SPMAP2L: variants seen among roughly 807,000 people sequenced by gnomAD.
The protein encoded by SPMAP2L is sperm microtubule associated protein 2 like.
the SPMAP2L span, among the ~76,000 whole-genome samples, chr4:56,574,684 T>C: frequency 6.6e-6 from 1 of 151,934 alleles, no homozygotes; most frequent in South Asian, 2.1e-4. Flanking sequence ...TTTGGTCTAT[T>C]TGGAAAATGT....
the SPMAP2L span, among the ~76,000 whole-genome samples, chr4:56,618,869 CA>C: frequency 6.6e-6 from 1 of 152,186 alleles, no homozygotes; most frequent in African/African-American, 2.4e-5. Context: ...TGATGATAAA[CA>C]GGAAGTTTGG....
chr4:56,538,667 G>T, the SPMAP2L span, among the ~76,000 whole-genome samples: 4 of 152,176 alleles, frequency 2.6e-5, no homozygotes, highest in African/African-American at 9.7e-5. Flanking sequence ...GCTAGGCATG[G>T]TGGCATGTGC....
chr4:56,587,666 G>A, the SPMAP2L span, among the ~76,000 whole-genome samples: 4 of 152,142 alleles, frequency 2.6e-5, no homozygotes, highest in East Asian at 5.8e-4. Context: ...TTTTATGGCT[G>A]AGTAGTATTC....
the SPMAP2L span, chr4:56,531,043 C>A: frequency 6.5e-7 from 1 of 1,535,578 alleles, no homozygotes; most frequent in Non-Finnish European, 8.7e-7. Flanking sequence ...CCAGCTCCGC[C>A]ACACCCGTGA....
the SPMAP2L span, among the ~76,000 whole-genome samples, chr4:56,599,308 T>G: frequency 6.6e-6 from 1 of 152,140 alleles, no homozygotes; most frequent in African/African-American, 2.4e-5. Flanking sequence ...TTCAGCCTCC[T>G]GAGCAGCTGT....
the SPMAP2L span, among the ~76,000 whole-genome samples, chr4:56,549,519 T>C: frequency 6.6e-6 from 1 of 152,244 alleles, no homozygotes; most frequent in African/African-American, 2.4e-5. Context: ...GAAAAAAGTA[T>C]ATGTGTACAT....
At chr4:56,610,086 A>C in the SPMAP2L span, among the ~76,000 whole-genome samples, 40 of 152,316 alleles carry the variant, frequency 2.6e-4, no homozygotes, top group Admixed American at 2.5e-3. Context: ...TTCTTCACAG[A>C]ATTAGAAAAA....
chr4:56,574,928 G>A, the SPMAP2L span, among the ~76,000 whole-genome samples: 6 of 151,802 alleles, frequency 4.0e-5, no homozygotes, highest in Non-Finnish European at 8.8e-5. Context: ...GCTGCAGTGA[G>A]CCCGTGTATG....
At chr4:56,562,402 T>C in the SPMAP2L span, among the ~76,000 whole-genome samples, 2 of 152,066 alleles carry the variant, frequency 1.3e-5, no homozygotes, top group African/African-American at 2.4e-5. Flanking sequence ...TGTTTATATG[T>C]GGTTTCTTTC....
the SPMAP2L span, among the ~76,000 whole-genome samples, chr4:56,617,929 AGT>A: frequency 6.6e-6 from 1 of 152,124 alleles, no homozygotes; most frequent in Non-Finnish European, 1.5e-5. Context: ...ATGGCTTGCC[AGT>A]GCTTGTTGGC....
At chr4:56,575,997 A>G in the SPMAP2L span, among the ~76,000 whole-genome samples, 1 of 152,196 alleles carries the variant, frequency 6.6e-6, no homozygotes, top group African/African-American at 2.4e-5. Flanking sequence ...TTGAAGGCTG[A>G]ATTTCTCCTT....
the SPMAP2L span, chr4:56,531,071 A>T: frequency 6.5e-7 from 1 of 1,535,458 alleles, no homozygotes; most frequent in South Asian, 1.2e-5. Context: ...AAGTCCCGCG[A>T]GGCCAAGGAA....
chr4:56,594,768 G>A, the SPMAP2L span: 2 of 1,512,090 alleles, frequency 1.3e-6, no homozygotes, highest in Non-Finnish European at 1.8e-6. Flanking sequence ...TCCACCAATG[G>A]GGTGTTTGAA....
chr4:56,566,821 C>A, the SPMAP2L span, among the ~76,000 whole-genome samples: 1 of 151,348 alleles, frequency 6.6e-6, no homozygotes, highest in Admixed American at 6.6e-5. Context: ...CCCAGCCTCC[C>A]AAGTAGCTGG....
chr4:56,573,016 C>CA, the SPMAP2L span, among the ~76,000 whole-genome samples: 534 of 112,490 alleles, frequency 4.7e-3, 1 homozygote, highest in South Asian at 0.018. Context: ...ACTCTATCTC[C>CA]AAAAAAAAAA....
At chr4:56,554,208 G>A in the SPMAP2L span, among the ~76,000 whole-genome samples, 1 of 152,114 alleles carries the variant, frequency 6.6e-6, no homozygotes. Context: ...GCTAATTTGG[G>A]TAAATTGCTG....
chr4:56,553,990 C>A, the SPMAP2L span, among the ~76,000 whole-genome samples: 2 of 52,084 alleles, frequency 3.8e-5, no homozygotes, highest in Non-Finnish European at 9.2e-5. Context: ...ATTTAAGCTT[C>A]CTTTATGTTT....
the SPMAP2L span, chr4:56,575,747 A>G: frequency 6.8e-5 from 74 of 1,086,676 alleles, no homozygotes; most frequent in Middle Eastern, 2.6e-3. Context: ...CTAAGAGTCC[A>G]CTTGTGTTCC....
At chr4:56,593,877 T>C in the SPMAP2L span, 9 of 1,610,982 alleles carry the variant, frequency 5.6e-6, no homozygotes, top group African/African-American at 2.7e-5. Context: ...CTGGAGCATA[T>C]TGCTAGGAGA....
Sources: allele counts gnomAD v4.1 joint callset (sites outside exome capture counted in the v4.1 genomes callset), GRCh38; gene constraint gnomAD v4.1.1; transcripts MANE v1.5; gene names NCBI Gene and HGNC (gene_info 2026-07-23, HGNC 2026-07-21).